The following GABRG3 variants were observed in gnomAD, a reference collection of about 807,000 sequenced individuals.
GABRG3 encodes gamma-aminobutyric acid type A receptor subunit gamma3, also known as gamma-aminobutyric acid receptor subunit gamma-3.
A neutral mutation model predicts 48.8 loss-of-function variants in GABRG3; 25 were observed. The ratio of observed to expected loss-of-function variants is 0.51; its 90% CI spans 0.37 to 0.72. GABRG3 has a LOEUF of 0.72. Ranked by LOEUF, GABRG3 falls within the 30% of genes least tolerant of loss-of-function variation. The pLI is 0.00. For synonymous variants in GABRG3, 227 were observed against 217.6 expected, an observed-to-expected ratio of 1.04 and a Z score of -0.38; for missense variants, 394 against 577.9, an observed-to-expected ratio of 0.68 and a Z score of 3.26.
At chr15:27,514,067 A>G (rs529550762) in intron 6 of GABRG3, among the ~76,000 whole-genome samples, 1 of 152,228 alleles carries the variant, frequency 6.6e-6, no homozygotes, top group African/African-American at 2.4e-5. Context: ...ATTTATTCCA[A>G]TCAAAATACC....
At chr15:27,333,418 G>T (rs1893865946) in intron 5 of GABRG3, among the ~76,000 whole-genome samples, 1 of 152,058 alleles carries the variant, frequency 6.6e-6, no homozygotes, top group African/African-American at 2.4e-5. Context: ...CATAACGTGG[G>T]TCCCCTTCTT....
intron 3 of GABRG3, among the ~76,000 whole-genome samples, chr15:27,172,842 C>T (rs1887618463): frequency 6.6e-6 from 1 of 152,078 alleles, no homozygotes; most frequent in African/African-American, 2.4e-5. Context: ...GAAGGGCCCC[C>T]ACTCCATAGA....
At position 27,319,537 on chromosome 15, in the gene GABRG3, TAGTG is replaced by T. The variant is rs1350168686; in HGVS notation, c.271-7268_271-7265del. On this transcript the variant is annotated intron_variant, in intron 3 of 9. Transcript: ENST00000615808. This position sits in a 1 kb window ranked among gnomAD's most constrained non-coding sequence, Gnocchi z 4.4. The stretch of plus-strand genomic sequence containing the variant: ...AGAGTGTTAACATAAGGAGAAAAAA[TAGTG>T]AGTAATACCATGAGGAGGGGCAGGC... Among the ~76,000 whole-genome samples, 4 of 151,792 alleles carry T rather than the reference TAGTG, an allele frequency of 2.6e-5. No individual in the cohort carries two copies. Among genetic ancestry groups the T allele is most frequent in the African/African-American group, 4.8e-5 (2 of 41,260 alleles).
chr15:27,156,631 G>A (rs553121480), intron 3 of GABRG3, among the ~76,000 whole-genome samples: 2 of 152,280 alleles, frequency 1.3e-5, no homozygotes, highest in East Asian at 3.9e-4. Flanking sequence ...GTAGAGACAA[G>A]TATGTCTCTT....
chr15:27,456,435 C>T (rs983935692), intron 5 of GABRG3, among the ~76,000 whole-genome samples: 6 of 152,160 alleles, frequency 3.9e-5, no homozygotes, highest in South Asian at 2.1e-4. Context: ...TCCTTAGTGG[C>T]GCTGTGCTTT....
intron 5 of GABRG3, among the ~76,000 whole-genome samples, chr15:27,458,724 G>C (rs1018446977): frequency 6.6e-6 from 1 of 152,154 alleles, no homozygotes; most frequent in Admixed American, 6.5e-5. Flanking sequence ...GAAAAATCCA[G>C]GCTTATTTTC....
chr15:27,051,436 C>A (rs887313469), intron 3 of GABRG3, among the ~76,000 whole-genome samples: 3 of 152,108 alleles, frequency 2.0e-5, no homozygotes, highest in Non-Finnish European at 4.4e-5. Context: ...TGTGTCTCCC[C>A]CAAAATGCAT....
chr15:27,089,820 T>C (rs963393512), intron 3 of GABRG3, among the ~76,000 whole-genome samples: 2 of 152,244 alleles, frequency 1.3e-5, no homozygotes, highest in Non-Finnish European at 2.9e-5. Context: ...GTGACTGGCT[T>C]CTTTCACTCA....
At chr15:27,436,393 G>A (rs565614291) in intron 5 of GABRG3, among the ~76,000 whole-genome samples, 16 of 152,246 alleles carry the variant, frequency 1.1e-4, no homozygotes, top group African/African-American at 3.6e-4. Context: ...AATTTTGGAG[G>A]GATGCAAACA....
At chr15:27,074,159 G>A (rs1357941330) in intron 3 of GABRG3, among the ~76,000 whole-genome samples, 6 of 152,006 alleles carry the variant, frequency 3.9e-5, no homozygotes, top group African/African-American at 7.2e-5. Flanking sequence ...TGAGGAAACC[G>A]CCCCCATGGT....
chr15:27,358,606 GCCGGGTTCCA>G (rs1029221515), intron 5 of GABRG3, among the ~76,000 whole-genome samples: 2 of 151,262 alleles, frequency 1.3e-5, no homozygotes, highest in African/African-American at 4.9e-5. Flanking sequence ...CGTCCTTCCT[GCCGGGTTCCA>G]CCGAGATCCA....
intron 5 of GABRG3, among the ~76,000 whole-genome samples, chr15:27,380,609 T>C (rs1284544850): frequency 6.6e-6 from 1 of 152,146 alleles, no homozygotes; most frequent in Non-Finnish European, 1.5e-5. Context: ...ACATTTTCTC[T>C]AGCATCCTTG....
intron 3 of GABRG3, among the ~76,000 whole-genome samples, chr15:27,317,539 C>T (rs1893272724): frequency 6.6e-6 from 1 of 152,114 alleles, no homozygotes; most frequent in South Asian, 2.1e-4. Context: ...ACTAGGAGGC[C>T]CATCCTCATC....
Position 27,348,601 on chromosome 15 carries a change from T to A in GABRG3, c.574+19713T>A, listed in dbSNP as rs1894456733. Among the ~76,000 whole-genome samples the A allele has an allele frequency of 2.0e-5, 3 of 152,208 alleles. No homozygotes were observed. The South Asian group carries it at 6.2e-4, about 32-fold the overall frequency. ...AAACAAGCTCCAGACCTCATTCTTT[T>A]AACCACTGTACTTTGCCTCTTTCCA... On this transcript the variant is annotated intron_variant, in intron 5 of 9. Coordinates refer to ENST00000615808, the MANE Select transcript of GABRG3 (RefSeq NM_033223.5).
At chr15:27,287,669 A>G (rs1409883968) in intron 3 of GABRG3, among the ~76,000 whole-genome samples, 1 of 151,542 alleles carries the variant, frequency 6.6e-6, no homozygotes, top group Non-Finnish European at 1.5e-5. Context: ...TCTCCTTTAT[A>G]ATTTCTGATG....
intron 3 of GABRG3, among the ~76,000 whole-genome samples, chr15:27,082,939 C>T (rs1015215742): frequency 1.3e-5 from 2 of 152,198 alleles, no homozygotes; most frequent in African/African-American, 4.8e-5. Context: ...ATCTTGGCTT[C>T]TACTACAGAA....
intron 3 of GABRG3, chr15:27,158,056 T>C (rs2286944): frequency 0.83 from 126,092 of 152,120 alleles, 52,869 homozygotes; most frequent in Middle Eastern, 0.87. Flanking sequence ...TGAACCAGAC[T>C]ATGAGCTGGC....
intron 5 of GABRG3, among the ~76,000 whole-genome samples, chr15:27,408,077 C>T (rs889729658): frequency 1.7e-4 from 26 of 152,172 alleles, no homozygotes; most frequent in South Asian, 8.3e-4. Context: ...ATAACTTTCT[C>T]TCAATTTTAC....
Position 27,504,604 on chromosome 15 carries a change from T to A in GABRG3, c.713-15368T>A, listed in dbSNP as rs74005010. ...ACTATTTTTGTTAAAGAGATTTAAA[T>A]AGGATGAAAATAAACTTTATTTCCC... On this transcript the variant is annotated intron_variant, in intron 6 of 9. Transcript: ENST00000615808. 3.7e-3 allele frequency among the ~76,000 whole-genome samples: 563 copies of A among 152,310 alleles called. 7 individuals carry two copies. The highest frequency in any genetic ancestry group is 0.013 in the African/African-American group (553 of 41,568).
Sources: gnomAD v4.1 joint callset for allele counts (sites outside exome capture counted in the v4.1 genomes callset) on GRCh38, gnomAD v4.1.1 for gene constraint, Gnocchi (gnomAD v3.1) non-coding constraint, MANE v1.5 for transcripts, NCBI Gene and HGNC (gene_info 2026-07-23, HGNC 2026-07-21) for gene names.